Variants in COL9A2 observed in about 807,000 individuals in gnomAD.
The protein encoded by COL9A2 is collagen alpha-2(IX) chain.
Under a neutral mutation model 111.6 loss-of-function variants are expected in COL9A2, and 66 were observed. That is an observed-to-expected ratio of 0.59 (90% CI 0.48 to 0.73). The LOEUF (loss-of-function observed/expected upper bound fraction) is 0.73. COL9A2 is among the 30% of genes least tolerant of loss of function. COL9A2 has a pLI of 0.00. For missense variants in COL9A2, 881 were observed against 954.1 expected (o/e 0.92, Z 1.01); for synonymous variants, 353 against 364.1 (o/e 0.97, Z 0.35).
chr1:40,306,828 C>T (rs209926), intron 19 of COL9A2, among the ~76,000 whole-genome samples: 2,338 of 151,102 alleles, frequency 0.015, 41 homozygotes, highest in African/African-American at 0.035. Context: ...TAGTATACCT[C>T]AGATACTCAA....
intron 4 of COL9A2, among the ~76,000 whole-genome samples, chr1:40,313,019 T>C (rs551533009): frequency 1.3e-5 from 2 of 152,310 alleles, no homozygotes; most frequent in South Asian, 4.1e-4. Context: ...GCCCAAAGAT[T>C]TGGCTTTATG....
Position 40,307,812 on chromosome 1 carries a change from G to A in COL9A2, c.901-56C>T. 2 of 1,571,720 alleles carry A rather than the reference G, an allele frequency of 1.3e-6. No individual in the cohort carries two copies. Among genetic ancestry groups the A allele is most frequent in the South Asian group, 1.1e-5 (1 of 89,620 alleles). ...ATAATGCGGAGATGTCTGGGGTCTG[G>A]CCACCCACCCCTGTTCCTCTGAGAC... On this transcript the variant is annotated intron_variant, in intron 17 of 31. Coordinates refer to ENST00000372748, the MANE Select transcript of COL9A2 (RefSeq NM_001852.4). This position sits in a 1 kb window ranked among gnomAD's most constrained non-coding sequence, Gnocchi z 4.8.
In COL9A2 at chr1:40,315,632, A is replaced by C; in HGVS notation, c.108T>G (p.Gly36=). The change falls in exon 2 of 32, where the codon GGT becomes GGG. Residue 36 remains glycine (G), a synonymous_variant. Coordinates refer to ENST00000372748, the MANE Select transcript of COL9A2 (RefSeq NM_001852.4). ...CAGGCACTCCCGGCGGTCCCGGGGG[A>C]CCCGGGGGGCCCCGCTCTCCCGGTG... ...RGPPGERGPP[G]PPGPPGVPGS... 1 of 1,551,554 alleles carries C rather than the reference A, an allele frequency of 6.4e-7. No homozygotes were observed. Among genetic ancestry groups the C allele is most frequent in the Non-Finnish European group, 8.7e-7 (1 of 1,147,120 alleles).
In COL9A2 at chr1:40,301,132, C is replaced by T. The variant is rs1385414514; in HGVS notation, c.*50G>A. The T allele has an allele frequency of 3.7e-6, 6 of 1,601,424 alleles. No individual in the cohort carries two copies. The highest frequency in any genetic ancestry group is 1.1e-5 in the South Asian group (1 of 90,490). On this transcript the variant is annotated 3_prime_UTR_variant, in exon 32 of 32. Transcript: ENST00000372748. ...TGGGTGCATGTCCACCCAGAGGGGA[C>T]CTGGTCCTTCCCGCCAGGATGCCTG...
chr1:40,303,010 A>G lies in COL9A2; in HGVS notation c.1603+121T>C, dbSNP rs547674723. 80 of 1,168,734 alleles carry G rather than the reference A, an allele frequency of 6.8e-5. No individual in the cohort carries two copies. In the African/African-American group the frequency reaches 1.0e-3, roughly 15 times the overall value. The allele number at this position is 1,168,734 out of a possible 1,614,324, so 72.4% of individuals were successfully genotyped here. On this transcript the variant is annotated intron_variant, in intron 29 of 31. Coordinates refer to ENST00000372748, the MANE Select transcript of COL9A2 (RefSeq NM_001852.4). This position sits in a 1 kb window ranked among gnomAD's most constrained non-coding sequence, Gnocchi z 4.6. ...GGTCCCAAAACCCTTCAGAGACTGG[A>G]CTGGAAGGAGCCCCCAGGACTCCAG...
rs1412068379 is a variant in COL9A2, at chr1:40,311,327, G to A, written c.520-41C>T. Reference sequence around the variant, plus strand: ...CCCACAGGGTCCTGTGATCAGCTGGGCAGTGCGCCCCCATCTCTCCAAGCC... The same window carrying A: ...CCCACAGGGTCCTGTGATCAGCTGGACAGTGCGCCCCCATCTCTCCAAGCC... On this transcript the variant is annotated intron_variant, in intron 10 of 31. Coordinates refer to ENST00000372748, the MANE Select transcript of COL9A2 (RefSeq NM_001852.4). The surrounding 1 kb of genome is among the most constrained non-coding windows in gnomAD (Gnocchi z 5.1). 1.2e-6 allele frequency: 2 copies of A among 1,606,052 alleles called. No homozygotes were observed. The highest frequency in any genetic ancestry group is 4.5e-5 in the East Asian group (2 of 44,478).
chr1:40,305,760 C>G lies in COL9A2; in HGVS notation c.1062G>C (p.Pro354=). The change falls in exon 21 of 32, where the codon CCG becomes CCC. Residue 354 remains proline, a synonymous_variant. Transcript: ENST00000372748. ...TKGGPGDQGE[P]GPQGLPGFSG... is the part of the protein sequence containing the mutation. Reference sequence around the variant, plus strand: ...AGAATCCAGGAAGGCCCTGCGGGCCCGGCTCACCCTGCAGGAAAACAGTTC... The same window carrying G: ...AGAATCCAGGAAGGCCCTGCGGGCCGGGCTCACCCTGCAGGAAAACAGTTC... 6.2e-7 allele frequency: 1 copy of G among 1,614,016 alleles called. No homozygotes were observed. The highest frequency in any genetic ancestry group is 8.5e-7 in the Non-Finnish European group (1 of 1,179,974).
Position 40,310,589 on chromosome 1 carries a change from C to T in COL9A2, c.684+125G>A, listed in dbSNP as rs1644107088. 2.1e-6 allele frequency: 2 copies of T among 966,544 alleles called. No homozygotes were observed. The highest frequency in any genetic ancestry group is 3.3e-6 in the Non-Finnish European group (2 of 614,948). 59.9% of individuals were successfully genotyped at this position (966,544 alleles called of 1,614,324 possible). On this transcript the variant is annotated intron_variant, in intron 13 of 31. Transcript: ENST00000372748. The surrounding 1 kb of genome is among the most constrained non-coding windows in gnomAD (Gnocchi z 4.9). ...CAATTTCAGCCTCCATCTCCCCATC[C>T]AGAGATGCTCCCAGCTAGACACAGG...
In COL9A2 at chr1:40,312,815, A is replaced by G. The variant is rs1644153416; in HGVS notation, c.250-31T>C. On this transcript the variant is annotated intron_variant, in intron 4 of 31. Coordinates refer to ENST00000372748, the MANE Select transcript of COL9A2 (RefSeq NM_001852.4). The surrounding 1 kb of genome is among the most constrained non-coding windows in gnomAD (Gnocchi z 6.0). ...GAAGAATGAAAATGTAGGATCAATG[A>G]GGGCCAACCTGCTCCCTGACCCACA... 1 of 1,543,058 alleles carries G rather than the reference A, an allele frequency of 6.5e-7. No individual in the cohort carries two copies. The highest frequency in any genetic ancestry group is 1.4e-5 in the African/African-American group (1 of 72,956).
intron 16 of COL9A2, among the ~76,000 whole-genome samples, chr1:40,308,897 G>A (rs1006205349): frequency 6.6e-6 from 1 of 152,118 alleles, no homozygotes; most frequent in Admixed American, 6.5e-5. Context: ...TAGGTACATG[G>A]GGATTCTTTA....
At position 40,314,889 on chromosome 1, in the gene COL9A2, A is replaced by ACCT. The variant is rs1644191500; in HGVS notation, c.151-505_151-503dup. Among the ~76,000 whole-genome samples, 1 of 151,916 alleles carries ACCT rather than the reference A, an allele frequency of 6.6e-6. No individual in the cohort carries two copies. The highest frequency in any genetic ancestry group is 1.5e-5 in the Non-Finnish European group (1 of 67,998). ...ATTCAGTGTTCCCAAGGAGGGAAGG[A>ACCT]CCTCCTTCCAGTGCCAAAGGACCCT... On this transcript the variant is annotated intron_variant, in intron 2 of 31. Coordinates refer to ENST00000372748, the MANE Select transcript of COL9A2 (RefSeq NM_001852.4). The surrounding 1 kb of genome is among the most constrained non-coding windows in gnomAD (Gnocchi z 4.1).
In COL9A2 at chr1:40,303,155, C is replaced by G; in HGVS notation, c.1579G>C (p.Asp527His). 1 of 1,612,902 alleles carries G rather than the reference C, an allele frequency of 6.2e-7. No individual in the cohort carries two copies. Among genetic ancestry groups the G allele is most frequent in the East Asian group, 2.2e-5 (1 of 44,854 alleles). ...GRDATDQHIV[D>H]VALKMLQEQL... is the part of the protein sequence containing the mutation. ...CCTTGCAGCATCTTCAGCGCCACAT[C>G]CACGATGTGCTGGTCAGTGGCATCC... The change falls in exon 29 of 32, where the codon GAT becomes CAT. Residue 527 changes from aspartate to histidine, a missense_variant. Transcript: ENST00000372748. The surrounding 1 kb of genome is among the most constrained non-coding windows in gnomAD (Gnocchi z 4.6).
At position 40,317,241 on chromosome 1, in the gene COL9A2, G is replaced by T. The variant is rs779117955; in HGVS notation, c.-44C>A. The T allele has an allele frequency of 3.0e-6, 4 of 1,343,128 alleles. No homozygotes were observed. Among genetic ancestry groups the T allele is most frequent in the Non-Finnish European group, 3.0e-6 (3 of 1,000,434 alleles). The allele number at this position is 1,343,128 out of a possible 1,614,324, so 83.2% of individuals were successfully genotyped here. A position where few individuals can be genotyped will look rare whatever the true frequency, so the allele number is the denominator to read the frequency against. On this transcript the variant is annotated 5_prime_UTR_variant, in exon 1 of 32. Coordinates refer to ENST00000372748, the MANE Select transcript of COL9A2 (RefSeq NM_001852.4). This position sits in a 1 kb window ranked among gnomAD's most constrained non-coding sequence, Gnocchi z 4.3. ...GGGGGACGGGTGCGTGTCCGCGCAC[G>T]CACCGACGGCAGAGTCTCCCGGCGC...
intron 24 of COL9A2, 56 bp from the exon 25 acceptor site, chr1:40,304,155 C>T (rs1643980480): frequency 2.6e-6 from 4 of 1,522,196 alleles, no homozygotes; most frequent in African/African-American, 1.4e-5. Context: ...CGGGGTCCCC[C>T]ACCTAACTTT....
chr1:40,312,160 C>A lies in COL9A2; in HGVS notation c.364-48G>T, dbSNP rs762936829. 2.6e-6 allele frequency: 4 copies of A among 1,527,788 alleles called. No homozygotes were observed. The South Asian group carries it at 4.7e-5, about 18-fold the overall frequency. 94.6% of individuals were successfully genotyped at this position (1,527,788 alleles called of 1,614,324 possible). ...TCAGGATGCCTCAGAGGGTCAGATA[C>A]CCTGGGCACAAAGGTAGAGACAGGC... On this transcript the variant is annotated intron_variant, in intron 7 of 31. Transcript: ENST00000372748. The surrounding 1 kb of genome is among the most constrained non-coding windows in gnomAD (Gnocchi z 6.0).
At chr1:40,301,538 C>T (rs1042535928) in intron 31 of COL9A2, among the ~76,000 whole-genome samples, 157 bp from the exon 32 acceptor site, 3 of 152,182 alleles carry the variant, frequency 2.0e-5, no homozygotes, top group African/African-American at 7.2e-5. Context: ...TTGTCCCCTA[C>T]CCCCAGCTCC....
intron 19 of COL9A2, among the ~76,000 whole-genome samples, chr1:40,306,456 C>T (rs752970621): frequency 4.6e-5 from 7 of 152,150 alleles, no homozygotes; most frequent in Admixed American, 1.3e-4. Context: ...TGTGAGTGCA[C>T]GCAGGAACAC....
In COL9A2 at chr1:40,312,681, C is replaced by A; in HGVS notation, c.303+50G>T. On this transcript the variant is annotated intron_variant, in intron 5 of 31. Transcript: ENST00000372748. The surrounding 1 kb of genome is among the most constrained non-coding windows in gnomAD (Gnocchi z 6.0). The stretch of plus-strand genomic sequence containing the variant: ...CCTACTTCCTCTCTACAGCCACTCC[C>A]AAACGCTGGCCCTAGATTGCCCACG... The A allele has an allele frequency of 6.3e-7, 1 of 1,587,186 alleles. No individual in the cohort carries two copies.
Position 40,312,086 on chromosome 1 carries a change from AG to A in COL9A2, c.389del (p.Pro130LeufsTer53). The A allele has an allele frequency of 6.2e-7, 1 of 1,602,522 alleles. No homozygotes were observed. Among genetic ancestry groups the A allele is most frequent in the Admixed American group, 1.7e-5 (1 of 57,258 alleles). On this transcript the variant is annotated frameshift_variant, in exon 8 of 32. Transcript: ENST00000372748. LOFTEE classifies it high-confidence loss of function. This position sits in a 1 kb window ranked among gnomAD's most constrained non-coding sequence, Gnocchi z 6.0. ...TGGGGCCTCGGATTCCAATCTCACC[AG>A]GGAGGCCAACAGGTCCAGGAGGCCC... is the stretch of plus-strand genomic sequence containing the variant. ...PPGPPGPVGL[P>X]GEIGIRGPKG...
Sources: gnomAD v4.1 joint callset for allele counts (sites outside exome capture counted in the v4.1 genomes callset) on GRCh38, gnomAD v4.1.1 for gene constraint, Gnocchi (gnomAD v3.1) non-coding constraint, MANE v1.5 for transcripts, NCBI Gene and HGNC (gene_info 2026-07-23, HGNC 2026-07-21) for gene names.